CMBL: variants seen among roughly 807,000 people sequenced by gnomAD.
CMBL encodes the protein carboxymethylenebutenolidase homolog.
Under a neutral mutation model 28.7 loss-of-function variants are expected in CMBL, and 17 were observed. The ratio of observed to expected loss-of-function variants is 0.59; its 90% CI spans 0.41 to 0.89. The LOEUF is 0.89. Among genes scored for constraint, CMBL ranks in the 40% least tolerant of loss-of-function variants. CMBL has a pLI of 0.00. For missense variants in CMBL, 310 were observed against 298.5 expected (o/e 1.04, Z -0.28); for synonymous variants, 106 against 101.6 (o/e 1.04, Z -0.26).
At chr5:10,303,695 C>T (rs7724808) in intron 1 of CMBL, among the ~76,000 whole-genome samples, 21,440 of 152,174 alleles carry the variant, frequency 0.14, 2,605 homozygotes, top group African/African-American at 0.34. Flanking sequence ...ATTGGCCATA[C>T]AACTCAGTTA....
At chr5:10,299,575 A>G (rs1457247650) in intron 1 of CMBL, among the ~76,000 whole-genome samples, 1 of 152,000 alleles carries the variant, frequency 6.6e-6, no homozygotes, top group African/African-American at 2.4e-5. Context: ...ATGGTGGCTC[A>G]TGCCTGTAAT....
chr5:10,302,033 A>ACT (rs1400850749), intron 1 of CMBL, among the ~76,000 whole-genome samples: 2 of 152,112 alleles, frequency 1.3e-5, no homozygotes, highest in Non-Finnish European at 2.9e-5. Context: ...CCTACAGGAG[A>ACT]CGCCCGTGTG....
chr5:10,299,841 AAG>A (rs374515471), intron 1 of CMBL, among the ~76,000 whole-genome samples: 5 of 151,624 alleles, frequency 3.3e-5, no homozygotes, highest in Non-Finnish European at 4.4e-5. Flanking sequence ...ATCTAAAAAA[AAG>A]AGAGAGAGAG....
At chr5:10,303,496 A>G (rs1364475986) in intron 1 of CMBL, among the ~76,000 whole-genome samples, 2 of 152,228 alleles carry the variant, frequency 1.3e-5, no homozygotes, top group Admixed American at 1.3e-4. Flanking sequence ...AAAAACAAAC[A>G]ACATTGAGGA....
intron 4 of CMBL, among the ~76,000 whole-genome samples, chr5:10,283,092 G>A (rs866904419): frequency 1.1e-3 from 131 of 119,954 alleles, no homozygotes; most frequent in Non-Finnish European, 1.1e-3. Context: ...CTCCGTCTCA[G>A]AAAAAAAAAA....
chr5:10,305,444 G>C (rs937447777), intron 1 of CMBL, among the ~76,000 whole-genome samples: 3 of 151,834 alleles, frequency 2.0e-5, no homozygotes, highest in African/African-American at 4.8e-5. Flanking sequence ...GTGTGAGGCA[G>C]AGCTGGAGGG....
intron 1 of CMBL, among the ~76,000 whole-genome samples, chr5:10,292,587 G>T (rs1026858852): frequency 2.6e-5 from 4 of 152,188 alleles, no homozygotes; most frequent in African/African-American, 9.6e-5. Context: ...CACTTTGGGA[G>T]GCCAAGGCAG....
intron 1 of CMBL, among the ~76,000 whole-genome samples, chr5:10,302,398 A>G (rs1415682567): frequency 1.3e-5 from 2 of 152,008 alleles, no homozygotes; most frequent in Admixed American, 6.6e-5. Context: ...ATAATTCAGC[A>G]CATTGGAAGG....
chr5:10,281,509 C>T (rs530436459), intron 5 of CMBL, among the ~76,000 whole-genome samples: 18 of 152,284 alleles, frequency 1.2e-4, no homozygotes, highest in African/African-American at 2.6e-4. Context: ...TGAGCCACCA[C>T]GCCCAGCTAA....
intron 1 of CMBL, among the ~76,000 whole-genome samples, chr5:10,293,103 C>T (rs1312033258): frequency 6.6e-6 from 1 of 152,150 alleles, no homozygotes; most frequent in African/African-American, 2.4e-5. Context: ...AAACTTGATA[C>T]AATCAATACA....
chr5:10,285,865 A>G (rs913345482), intron 4 of CMBL, among the ~76,000 whole-genome samples: 1 of 149,934 alleles, frequency 6.7e-6, no homozygotes, highest in South Asian at 2.1e-4. Context: ...CGCCCAGCTA[A>G]TTTTTGTATT....
At chr5:10,288,327 C>A in intron 3 of CMBL, 95 bp downstream of exon 3, 1 of 888,426 alleles carries the variant, frequency 1.1e-6, no homozygotes. Flanking sequence ...AAGTCCTACC[C>A]CAAGGTAAGG....
chr5:10,302,772 A>G (rs1293381829), intron 1 of CMBL, among the ~76,000 whole-genome samples: 1 of 152,222 alleles, frequency 6.6e-6, no homozygotes, highest in Non-Finnish European at 1.5e-5. Flanking sequence ...CAAATACAGC[A>G]TCCAAGGATA....
At chr5:10,288,882 C>T (rs1336563949) in intron 2 of CMBL, among the ~76,000 whole-genome samples, 1 of 152,208 alleles carries the variant, frequency 6.6e-6, no homozygotes, top group African/African-American at 2.4e-5. Flanking sequence ...CTGCCCCTCT[C>T]AGCCAGCCTG....
At chr5:10,288,215 C>T (rs757054836) in intron 3 of CMBL, among the ~76,000 whole-genome samples, 43 of 151,866 alleles carry the variant, frequency 2.8e-4, no homozygotes, top group Non-Finnish European at 1.6e-4. Flanking sequence ...TGCAGTGAGC[C>T]GAGATCATGC....
intron 4 of CMBL, among the ~76,000 whole-genome samples, chr5:10,285,608 T>G (rs899752414): frequency 6.6e-6 from 1 of 151,922 alleles, no homozygotes; most frequent in Non-Finnish European, 1.5e-5. Context: ...GCCTTTGCTT[T>G]CTTTCTTAGT....
intron 2 of CMBL, chr5:10,290,318 A>G (rs542555377): frequency 1.1e-4 from 63 of 550,808 alleles, no homozygotes; most frequent in African/African-American, 1.7e-4. Context: ...TCTAAAGGCC[A>G]GGTACTCCCA....
At chr5:10,297,983 G>A (rs920853198) in intron 1 of CMBL, among the ~76,000 whole-genome samples, 11 of 152,144 alleles carry the variant, frequency 7.2e-5, no homozygotes, top group Non-Finnish European at 1.6e-4. Context: ...AGGATAAGCA[G>A]GAAAACAGGG....
chr5:10,297,236 G>C (rs978454713), intron 1 of CMBL, among the ~76,000 whole-genome samples: 1 of 151,382 alleles, frequency 6.6e-6, no homozygotes, highest in Non-Finnish European at 1.5e-5. Flanking sequence ...GAACTAAAGA[G>C]AGTGAACACA....
Sources: gnomAD v4.1 joint callset for allele counts (sites outside exome capture counted in the v4.1 genomes callset) on GRCh38, gnomAD v4.1.1 for gene constraint, MANE v1.5 for transcripts, NCBI Gene and HGNC (gene_info 2026-07-23, HGNC 2026-07-21) for gene names.